Variants in DISC1 observed in about 807,000 individuals in gnomAD.
DISC1 encodes DISC1 scaffold protein.
DISC1 carries 57 observed loss-of-function variants against 84.5 expected under a neutral mutation model. That is an observed-to-expected ratio of 0.67 (90% CI 0.55 to 0.84). The LOEUF (loss-of-function observed/expected upper bound fraction) is 0.84, where lower values mean the gene tolerates loss of function less well. Ranked by LOEUF, DISC1 falls within the 40% of genes least tolerant of loss-of-function variation. DISC1 has a pLI of 0.00. For missense variants in DISC1, 1,000 were observed against 1,057.8 expected, an observed-to-expected ratio of 0.95 and a Z score of 0.76; for synonymous variants, 411 against 415.2, an observed-to-expected ratio of 0.99 and a Z score of 0.12.
At chr1:231,666,771 C>T (rs2062061574) in intron 1 of DISC1, among the ~76,000 whole-genome samples, 1 of 152,108 alleles carries the variant, frequency 6.6e-6, no homozygotes, top group South Asian at 2.1e-4. Flanking sequence ...CGTTCATCTT[C>T]ACCCCATCGT....
chr1:231,755,081 T>G (rs2074989929), intron 4 of DISC1, among the ~76,000 whole-genome samples: 1 of 152,232 alleles, frequency 6.6e-6, no homozygotes, highest in African/African-American at 2.4e-5. Context: ...GTGTCTAGAA[T>G]TTTTAATAAA....
intron 9 of DISC1, among the ~76,000 whole-genome samples, chr1:231,883,570 A>G (rs1558688467): frequency 6.6e-6 from 1 of 152,168 alleles, no homozygotes; most frequent in Non-Finnish European, 1.5e-5. Flanking sequence ...GAAGGCCTCA[A>G]GGGGCCACTA....
At chr1:231,955,713 C>T (rs1659379429) in intron 9 of DISC1, among the ~76,000 whole-genome samples, 1 of 152,092 alleles carries the variant, frequency 6.6e-6, no homozygotes. Flanking sequence ...TGGTCTTGAA[C>T]TCCAGACCTC....
intron 9 of DISC1, among the ~76,000 whole-genome samples, chr1:231,909,617 T>C (rs2089008155): frequency 6.6e-6 from 1 of 152,198 alleles, no homozygotes; most frequent in South Asian, 2.1e-4. Flanking sequence ...ATCAGGGATA[T>C]TAGTCTAAAA....
intron 9 of DISC1, among the ~76,000 whole-genome samples, chr1:231,934,336 A>G (rs1292349762): frequency 6.6e-6 from 1 of 152,202 alleles, no homozygotes; most frequent in Non-Finnish European, 1.5e-5. Context: ...GCTCCTCAGC[A>G]TTGTATCTTA....
intron 9 of DISC1, among the ~76,000 whole-genome samples, chr1:231,952,572 A>T (rs1476258501): frequency 2.0e-5 from 3 of 151,570 alleles, no homozygotes; most frequent in African/African-American, 7.3e-5. Flanking sequence ...TCACACAATT[A>T]ACCTCTCACT....
intron 1 of DISC1, among the ~76,000 whole-genome samples, chr1:231,680,718 A>G (rs1019370890): frequency 1.3e-5 from 2 of 152,256 alleles, no homozygotes; most frequent in African/African-American, 4.8e-5. Context: ...CTTACTTAAA[A>G]GATGCTCCAG....
At chr1:231,723,756 C>G in intron 3 of DISC1, 1 of 985,482 alleles carries the variant, frequency 1.0e-6, no homozygotes, top group Non-Finnish European at 1.2e-6. Flanking sequence ...GCCACTGGGA[C>G]TGTTGGGGTG....
At chr1:231,723,430 C>T in intron 3 of DISC1, 4 of 985,674 alleles carry the variant, frequency 4.1e-6, no homozygotes, top group Non-Finnish European at 4.8e-6. Context: ...AGATCAGGTG[C>T]ACTGGCTACG....
chr1:232,017,789 T>C (rs1272879363), intron 11 of DISC1, among the ~76,000 whole-genome samples: 2 of 152,176 alleles, frequency 1.3e-5, no homozygotes, highest in Non-Finnish European at 2.9e-5. Context: ...ACCTAAAGGG[T>C]AACTGCCTGT....
At chr1:231,832,957 A>G (rs2104222) in intron 9 of DISC1, among the ~76,000 whole-genome samples, 4,967 of 69,536 alleles carry the variant, frequency 0.071, 431 homozygotes, top group East Asian at 0.14. Flanking sequence ...GGATATTGGC[A>G]TTGAGCAGGC....
At position 232,031,406 on chromosome 1, in the gene DISC1, G is replaced by A. The variant is rs538068232; in HGVS notation, c.2425+4854G>A. Among the ~76,000 whole-genome samples, 1 of 149,600 alleles carries A rather than the reference G, an allele frequency of 6.7e-6. No homozygotes were observed. Among genetic ancestry groups the A allele is most frequent in the Admixed American group, 6.7e-5 (1 of 14,976 alleles). ...AGGGAAAGGAAGAGAAGGGAAGAAG[G>A]GAAGGGAGAAGAGACAAGGGAAAGG... On this transcript the variant is annotated intron_variant, in intron 12 of 12. Transcript: ENST00000439617. The surrounding 1 kb of genome is among the most constrained non-coding windows in gnomAD (Gnocchi z 4.6).
intron 3 of DISC1, among the ~76,000 whole-genome samples, chr1:231,713,682 TA>T (rs1431794578): frequency 3.3e-5 from 4 of 120,480 alleles, no homozygotes; most frequent in African/African-American, 1.4e-4. Context: ...ATGAAGCAGA[TA>T]TATATATATA....
chr1:231,718,588 CA>C (rs938585496), intron 3 of DISC1, among the ~76,000 whole-genome samples: 31 of 152,112 alleles, frequency 2.0e-4, no homozygotes, highest in African/African-American at 7.2e-4. Context: ...AGGCATGTGC[CA>C]CCACACCTGG....
At chr1:231,728,288 C>T (rs1251514579) in intron 3 of DISC1, among the ~76,000 whole-genome samples, 1 of 152,172 alleles carries the variant, frequency 6.6e-6, no homozygotes, top group Non-Finnish European at 1.5e-5. Flanking sequence ...AAGAGAATGT[C>T]TCTTGTTAAA....
At position 232,008,996 on chromosome 1, in the gene DISC1, T is replaced by C; in HGVS notation, c.2254T>C (p.Trp752Arg). The C allele has an allele frequency of 6.2e-7, 1 of 1,613,882 alleles. No homozygotes were observed. Among genetic ancestry groups the C allele is most frequent in the Non-Finnish European group, 8.5e-7 (1 of 1,179,838 alleles). The change falls in exon 11 of 13, where the codon TGG becomes CGG. Residue 752 changes from tryptophan to arginine, a missense_variant. By Grantham distance (101) the Trp-to-Arg change is moderately radical. Coordinates refer to ENST00000439617, the MANE Select transcript of DISC1 (RefSeq NM_018662.3). ...RKTPLKVLEE[W>R]KTHLIPSLHC... ...GACCCCTTTGAAGGTATTGGAAGAA[T>C]GGAAGACTCACCTCATCCCCTCTCT...
intron 10 of DISC1, among the ~76,000 whole-genome samples, chr1:231,991,692 T>C (rs1665224239): frequency 6.6e-6 from 1 of 151,476 alleles, no homozygotes; most frequent in Non-Finnish European, 1.5e-5. Context: ...AGTATGTTAC[T>C]TTTTTTTTAT....
intron 1 of DISC1, among the ~76,000 whole-genome samples, chr1:231,649,363 G>A (rs1182092733): frequency 6.6e-6 from 1 of 152,136 alleles, no homozygotes; most frequent in Non-Finnish European, 1.5e-5. Context: ...GTAGTTGTGC[G>A]GTTTTGAGTG....
chr1:231,922,005 G>A (rs1235853445), intron 9 of DISC1, among the ~76,000 whole-genome samples: 1 of 152,056 alleles, frequency 6.6e-6, no homozygotes, highest in Non-Finnish European at 1.5e-5. Flanking sequence ...CTATCACTCA[G>A]AGAAAGCCAG....
Sources: allele counts gnomAD v4.1 joint callset (sites outside exome capture counted in the v4.1 genomes callset), GRCh38; gene constraint gnomAD v4.1.1; non-coding constraint Gnocchi (gnomAD v3.1); transcripts MANE v1.5; gene names NCBI Gene and HGNC (gene_info 2026-07-23, HGNC 2026-07-21).